The following LYPD6 variants were observed in gnomAD, a reference collection of about 807,000 sequenced individuals.
LYPD6 encodes LY6/PLAUR domain containing 6, also known as ly6/PLAUR domain-containing protein 6.
In LYPD6, 15 loss-of-function variants were observed where a neutral mutation model predicts 22.7. That is an observed-to-expected ratio of 0.66 (90% confidence interval 0.44 to 1.02). The LOEUF is 1.02. Ranked by LOEUF, LYPD6 falls within the 50% of genes least tolerant of loss-of-function variation. LYPD6 has a pLI of 0.00. For synonymous variants in LYPD6, 72 were observed against 77.5 expected, an observed-to-expected ratio of 0.93 and a Z score of 0.37; for missense variants, 189 against 208.4, an observed-to-expected ratio of 0.91 and a Z score of 0.57.
intron 1 of LYPD6, among the ~76,000 whole-genome samples, chr2:149,357,194 GA>G (rs1298463078): frequency 2.0e-5 from 3 of 152,196 alleles, no homozygotes; most frequent in Non-Finnish European, 4.4e-5. Flanking sequence ...TTTAACCATT[GA>G]ATTAGATTTT....
intron 1 of LYPD6, among the ~76,000 whole-genome samples, chr2:149,357,717 A>G (rs16826909): frequency 6.7e-4 from 101 of 151,418 alleles, no homozygotes; most frequent in African/African-American, 2.3e-3. Flanking sequence ...TTCAGTGACC[A>G]TTTTGTGTGC....
intron 1 of LYPD6, among the ~76,000 whole-genome samples, chr2:149,372,593 G>C (rs1300275018): frequency 6.6e-6 from 1 of 152,178 alleles, no homozygotes; most frequent in African/African-American, 2.4e-5. Flanking sequence ...GGATTTCACT[G>C]TCTTAAAGCT....
intron 1 of LYPD6, among the ~76,000 whole-genome samples, chr2:149,404,642 G>A (rs1368635955): frequency 2.6e-4 from 40 of 152,238 alleles, no homozygotes; most frequent in African/African-American, 6.7e-4. Context: ...GGCTGAGACA[G>A]TGGGGTTTTC....
chr2:149,397,560 T>A (rs902370362), intron 1 of LYPD6, among the ~76,000 whole-genome samples: 15 of 152,206 alleles, frequency 9.9e-5, no homozygotes, highest in Non-Finnish European at 1.0e-4. Context: ...GATAGCCACA[T>A]TTATAGACAA....
intron 1 of LYPD6, among the ~76,000 whole-genome samples, chr2:149,402,248 G>T (rs1682575261): frequency 6.6e-6 from 1 of 152,022 alleles, no homozygotes; most frequent in South Asian, 2.1e-4. Context: ...GTGTGTGTGT[G>T]TGTGTGTGTG....
intron 1 of LYPD6, among the ~76,000 whole-genome samples, chr2:149,364,970 AGCATTC>A (rs1427019579): frequency 1.3e-5 from 2 of 152,142 alleles, no homozygotes; most frequent in Admixed American, 1.3e-4. Flanking sequence ...ATAGGAGAAA[AGCATTC>A]TCTCACTATC....
intron 1 of LYPD6, among the ~76,000 whole-genome samples, chr2:149,367,054 G>C (rs1232953847): frequency 6.6e-6 from 1 of 151,914 alleles, no homozygotes; most frequent in Non-Finnish European, 1.5e-5. Flanking sequence ...TTTTTTACAG[G>C]TGCTAGACTG....
chr2:149,473,991 G>T lies in LYPD6; in HGVS notation c.*3141G>T, dbSNP rs543153754. 7.2e-5 allele frequency: 11 copies of T among 152,254 alleles called. No individual in the cohort carries two copies. The highest frequency in any genetic ancestry group is 3.4e-3 in the Middle Eastern group (1 of 294). 9.4% of individuals were successfully genotyped at this position (152,254 alleles called of 1,614,324 possible). A position where few individuals can be genotyped will look rare whatever the true frequency, so the allele number is the denominator to read the frequency against. ...TTTAAAATCGTATTCTATTTTGGGG[G>T]TTGTGTTAATGATGATGAACCAGAA... On this transcript the variant is annotated 3_prime_UTR_variant, in exon 5 of 5. Transcript: ENST00000334166.
intron 1 of LYPD6, among the ~76,000 whole-genome samples, chr2:149,416,019 ATCCCGAGTCAAAGT>A (rs72000893): frequency 0.25 from 37,279 of 151,990 alleles, 5,171 homozygotes; most frequent in African/African-American, 0.38. Flanking sequence ...AAAGCTAACA[ATCCCGAGTCAAAGT>A]TGCCACAGTT....
intron 3 of LYPD6, among the ~76,000 whole-genome samples, chr2:149,466,804 A>C (rs560020962): frequency 2.7e-5 from 4 of 150,182 alleles, no homozygotes; most frequent in African/African-American, 9.7e-5. Flanking sequence ...TCGGATTTAC[A>C]TTTGGAGCAG....
chr2:149,423,502 T>A (rs1022038869), intron 1 of LYPD6, among the ~76,000 whole-genome samples: 3 of 151,926 alleles, frequency 2.0e-5, no homozygotes, highest in African/African-American at 7.3e-5. Context: ...TTAAGCAAGG[T>A]TTAGAGTTGC....
intron 1 of LYPD6, among the ~76,000 whole-genome samples, chr2:149,357,788 T>C (rs1359170406): frequency 1.6e-4 from 23 of 146,994 alleles, no homozygotes; most frequent in African/African-American, 5.5e-4. Flanking sequence ...TTCTTTGCTT[T>C]TTTTTTTTTT....
At chr2:149,385,790 AAG>A (rs796150428) in intron 1 of LYPD6, among the ~76,000 whole-genome samples, 90 of 152,300 alleles carry the variant, frequency 5.9e-4, no homozygotes, top group African/African-American at 2.1e-3. Context: ...TGTATACAGA[AAG>A]AGAGGGAAAA....
intron 1 of LYPD6, among the ~76,000 whole-genome samples, chr2:149,368,655 A>G (rs1432483720): frequency 6.6e-6 from 1 of 152,212 alleles, no homozygotes; most frequent in Admixed American, 6.5e-5. Context: ...GGATAATCCA[A>G]TCAGATTGTG....
chr2:149,427,704 G>A (rs2105139732), intron 1 of LYPD6, among the ~76,000 whole-genome samples: 1 of 152,328 alleles, frequency 6.6e-6, no homozygotes, highest in Admixed American at 6.5e-5. Flanking sequence ...GATTATAATG[G>A]CTATACTCAA....
At chr2:149,480,731 G>A in the LYPD6 span, among the ~76,000 whole-genome samples, 1 of 152,144 alleles carries the variant, frequency 6.6e-6, no homozygotes, top group African/African-American at 2.4e-5. Context: ...CGTTGTTGGG[G>A]GAGCGTTGCC....
chr2:149,436,131 A>G (rs920305412), intron 1 of LYPD6, among the ~76,000 whole-genome samples: 1 of 152,134 alleles, frequency 6.6e-6, no homozygotes, highest in Admixed American at 6.5e-5. Flanking sequence ...GCTTTGTAGT[A>G]TATTCTAGAT....
intron 1 of LYPD6, among the ~76,000 whole-genome samples, chr2:149,380,797 GAGAA>G (rs1223087915): frequency 6.6e-6 from 1 of 152,164 alleles, no homozygotes; most frequent in African/African-American, 2.4e-5. Flanking sequence ...AGGTATGAGT[GAGAA>G]AGAAGTTATT....
At position 149,470,904 on chromosome 2, in the gene LYPD6, C is replaced by T; in HGVS notation, c.*54C>T. 2.0e-6 allele frequency: 3 copies of T among 1,519,684 alleles called. No individual in the cohort carries two copies. In the South Asian group the frequency reaches 3.5e-5, roughly 18 times the overall value. The allele number at this position is 1,519,684 out of a possible 1,614,324, so 94.1% of individuals were successfully genotyped here. On this transcript the variant is annotated 3_prime_UTR_variant, in exon 5 of 5. Transcript: ENST00000334166. ...GATCCATGGGGATCTCGATGGTCCA[C>T]AGACCTGCATGAGTCATTGGCCTGA... is the stretch of plus-strand genomic sequence containing the variant.
Sources: gnomAD v4.1 joint callset for allele counts (sites outside exome capture counted in the v4.1 genomes callset) on GRCh38, gnomAD v4.1.1 for gene constraint, MANE v1.5 for transcripts, NCBI Gene and HGNC (gene_info 2026-07-23, HGNC 2026-07-21) for gene names.